The following RIMS1 variants were observed in gnomAD, a reference collection of about 807,000 sequenced individuals.
The protein encoded by RIMS1 is regulating synaptic membrane exocytosis 1, also known as regulating synaptic membrane exocytosis protein 1.
A neutral mutation model predicts 214.1 loss-of-function variants in RIMS1; 83 were observed. That is an observed-to-expected ratio of 0.39 (90% CI 0.32 to 0.47). RIMS1 has a LOEUF of 0.47. Ranked by LOEUF, RIMS1 falls within the 20% of genes least tolerant of loss-of-function variation. The probability of loss-of-function intolerance (pLI) is 0.99; values close to 1 mark genes in which losing one functional copy is unlikely to be tolerated. For synonymous variants in RIMS1, 793 were observed against 786.8 expected, an observed-to-expected ratio of 1.01 and a Z score of -0.13; for missense variants, 2,050 against 2,161.8, an observed-to-expected ratio of 0.95 and a Z score of 1.03.
At chr6:72,274,564 A>G (rs1455994409) in intron 23 of RIMS1, 132 bp downstream of exon 23, 5 of 677,806 alleles carry the variant, frequency 7.4e-6, no homozygotes, top group South Asian at 1.7e-5. Flanking sequence ...TGTTAGATGT[A>G]GCCAACTCTG....
rs777214787 is a variant in RIMS1, at chr6:72,024,900, G to GTTTTTTTTTTTTTTT, written c.245+55846_245+55860dup. Reference sequence around the variant, plus strand: ...AACTCAGGATTCTTAAAATCTGTGGGTTTTTTTTTTTTTTTTTTTTTTTGA... The same window carrying GTTTTTTTTTTTTTTT: ...AACTCAGGATTCTTAAAATCTGTGGGTTTTTTTTTTTTTTTTTTTTTTTTTTTTTTTTTTTTTTGA... On this transcript the variant is annotated intron_variant, in intron 2 of 33. Transcript: ENST00000521978. Among the ~76,000 whole-genome samples the GTTTTTTTTTTTTTTT allele has an allele frequency of 5.5e-4, 54 of 98,666 alleles. 3 individuals carry two copies. The highest frequency in any genetic ancestry group is 1.9e-3 in the African/African-American group (50 of 26,622). 64.7% of individuals were successfully genotyped at this position (98,666 alleles called of 152,430 possible).
chr6:72,025,079 T>C (rs1442997311), intron 2 of RIMS1, among the ~76,000 whole-genome samples: 2 of 152,054 alleles, frequency 1.3e-5, no homozygotes, highest in Admixed American at 6.5e-5. Flanking sequence ...AATTTTTGTA[T>C]TTTTAGTAGA....
intron 2 of RIMS1, among the ~76,000 whole-genome samples, chr6:71,985,807 G>A (rs114563277): frequency 8.2e-4 from 124 of 151,988 alleles, no homozygotes; most frequent in African/African-American, 2.8e-3. Context: ...AGTGCCCCTC[G>A]CTATGTCTGA....
chr6:72,079,149 A>C (rs1365108544), intron 2 of RIMS1, among the ~76,000 whole-genome samples: 3 of 152,214 alleles, frequency 2.0e-5, no homozygotes, highest in Non-Finnish European at 4.4e-5. Flanking sequence ...AGGTATGACC[A>C]CTGGGGCTTA....
intron 1 of RIMS1, among the ~76,000 whole-genome samples, chr6:71,889,116 T>C (rs1035809030): frequency 1.6e-4 from 25 of 152,162 alleles, no homozygotes; most frequent in Non-Finnish European, 2.8e-4. Context: ...GATGGAGGCC[T>C]CCAGTAGCTA....
chr6:72,320,726 T>C (rs1196307217), intron 28 of RIMS1, among the ~76,000 whole-genome samples: 2 of 151,770 alleles, frequency 1.3e-5, no homozygotes, highest in Non-Finnish European at 2.9e-5. Context: ...TAAATACTTA[T>C]TATTGTTTTT....
chr6:72,248,108 T>G lies in RIMS1; in HGVS notation c.2222T>G (p.Val741Gly). Residue 741 changes from valine to glycine, a missense_variant, in exon 12 of 34, where the codon GTC (valine) becomes GGC (glycine). Coordinates refer to ENST00000521978, the MANE Select transcript of RIMS1 (RefSeq NM_014989.7). Reference protein sequence around the residue: ...SPGALKDAPQVLPGQLSVKLW... With the variant: ...SPGALKDAPQGLPGQLSVKLW... ...GGAGCTCTAAAAGATGCCCCACAAG[T>G]CTTACCAGGGCAACTTTCTGTATGT... 6.2e-7 allele frequency: 1 copy of G among 1,611,270 alleles called. No homozygotes were observed. Among genetic ancestry groups the G allele is most frequent in the Non-Finnish European group, 8.5e-7 (1 of 1,178,296 alleles).
rs375748928 is a variant in RIMS1 at position 71,954,697 on chromosome 6, T to C, written c.165-14286T>C. On this transcript the variant is annotated intron_variant, in intron 1 of 33. Transcript: ENST00000521978. ...TTTTTAGTCTATTAGTAATTTTTCT[T>C]TTTTTTTTTTACTTCTTTATTGAGA... is the stretch of plus-strand genomic sequence containing the variant. Among the ~76,000 whole-genome samples, 26 of 145,040 alleles carry C rather than the reference T, an allele frequency of 1.8e-4. No individual in the cohort carries two copies. In the East Asian group the frequency reaches 4.9e-3, roughly 27 times the overall value.
intron 23 of RIMS1, 116 bp downstream of exon 23, chr6:72,274,548 C>CA (rs1395103351): frequency 5.8e-5 from 45 of 769,942 alleles, no homozygotes; most frequent in Non-Finnish European, 9.2e-5. Flanking sequence ...GAGCCAGAGC[C>CA]AGATATGTTA....
intron 29 of RIMS1, among the ~76,000 whole-genome samples, chr6:72,343,866 T>C (rs1289317765): frequency 6.6e-6 from 1 of 151,640 alleles, no homozygotes; most frequent in Non-Finnish European, 1.5e-5. Context: ...TTTATGAATT[T>C]CCAAGGTGTA....
At chr6:72,347,902 C>T (rs2154365681) in intron 29 of RIMS1, among the ~76,000 whole-genome samples, 1 of 151,984 alleles carries the variant, frequency 6.6e-6, no homozygotes, top group Non-Finnish European at 1.5e-5. Flanking sequence ...GAATTCATGT[C>T]ACAAAATGAA....
At chr6:72,288,373 C>T (rs2092765252) in intron 24 of RIMS1, among the ~76,000 whole-genome samples, 2 of 152,114 alleles carry the variant, frequency 1.3e-5, no homozygotes, top group Non-Finnish European at 2.9e-5. Context: ...CCTGCATATG[C>T]GCACAAACAC....
rs114497540 is a variant in RIMS1, at chr6:71,981,098, C to T, written c.245+12035C>T. Among the ~76,000 whole-genome samples, 333 of 152,146 alleles carry T rather than the reference C, an allele frequency of 2.2e-3. 1 individual carries two copies. The highest frequency in any genetic ancestry group is 7.6e-3 in the African/African-American group (315 of 41,542). On this transcript the variant is annotated intron_variant, in intron 2 of 33. Transcript: ENST00000521978. ...ACACATCTAAATTTTCAAAACTGCTCACCAGTCTAAGTTCTGCATAAGATT... is the reference window on the plus strand; with the variant it reads ...ACACATCTAAATTTTCAAAACTGCTTACCAGTCTAAGTTCTGCATAAGATT...
intron 12 of RIMS1, 87 bp downstream of exon 12, chr6:72,248,214 A>G (rs1405477756): frequency 4.1e-6 from 3 of 735,160 alleles, no homozygotes; most frequent in African/African-American, 3.5e-5. Context: ...CTTTCCTTGA[A>G]GCCTGCAATA....
chr6:72,367,897 T>C (rs987565370), intron 29 of RIMS1, among the ~76,000 whole-genome samples: 5 of 152,224 alleles, frequency 3.3e-5, no homozygotes, highest in Non-Finnish European at 7.3e-5. Flanking sequence ...TTTATTTATA[T>C]ATTTTTTTAT....
intron 1 of RIMS1, among the ~76,000 whole-genome samples, chr6:71,894,043 A>G (rs1213663437): frequency 6.6e-6 from 1 of 152,224 alleles, no homozygotes; most frequent in Non-Finnish European, 1.5e-5. Flanking sequence ...TCAGAAAATC[A>G]AGCAATTAAC....
At chr6:72,064,334 AG>A (rs1466816443) in intron 2 of RIMS1, among the ~76,000 whole-genome samples, 2 of 61,186 alleles carry the variant, frequency 3.3e-5, no homozygotes, top group South Asian at 7.0e-4. Context: ...AGAAAGAAAG[AG>A]AGAGAGAGAG....
chr6:71,939,839 A>G (rs1048144319), intron 1 of RIMS1, among the ~76,000 whole-genome samples: 2 of 152,224 alleles, frequency 1.3e-5, no homozygotes, highest in Non-Finnish European at 2.9e-5. Flanking sequence ...ACAGTGGTTA[A>G]TATTACTAAC....
At chr6:72,003,565 AAAT>A (rs1806112321) in intron 2 of RIMS1, among the ~76,000 whole-genome samples, 1 of 152,024 alleles carries the variant, frequency 6.6e-6, no homozygotes, top group Non-Finnish European at 1.5e-5. Context: ...GGGAAAGAAA[AAAT>A]AATAAAGTTA....
Sources: gnomAD v4.1 joint callset for allele counts (sites outside exome capture counted in the v4.1 genomes callset) on GRCh38, gnomAD v4.1.1 for gene constraint, MANE v1.5 for transcripts, NCBI Gene and HGNC (gene_info 2026-07-23, HGNC 2026-07-21) for gene names.